Variants in DRC4 observed in about 807,000 individuals in gnomAD.
The protein encoded by DRC4 is dynein regulatory complex subunit 4.
chr16:90,026,444 G>A, the DRC4 span, among the ~76,000 whole-genome samples: 1 of 152,168 alleles, frequency 6.6e-6, no homozygotes. Flanking sequence ...CTTCTCTGAA[G>A]GAAGTTTCTC....
At chr16:90,039,366 T>C in the DRC4 span, among the ~76,000 whole-genome samples, 12 of 145,120 alleles carry the variant, frequency 8.3e-5, no homozygotes, top group African/African-American at 3.3e-4. Context: ...CAGTTATTTA[T>C]TTATTTATTT....
the DRC4 span, chr16:90,036,865 G>C: frequency 1.7e-6 from 1 of 593,554 alleles, no homozygotes; most frequent in Admixed American, 2.5e-5. Flanking sequence ...AGATGGAACC[G>C]CAGTGAGGGC....
the DRC4 span, among the ~76,000 whole-genome samples, chr16:90,025,017 CT>C: frequency 3.9e-3 from 531 of 137,318 alleles, 1 homozygote; most frequent in South Asian, 0.017. Flanking sequence ...TTCTCTCTCT[CT>C]TTTTTTTTTT....
the DRC4 span, among the ~76,000 whole-genome samples, chr16:90,031,004 A>C: frequency 6.6e-6 from 1 of 152,208 alleles, no homozygotes; most frequent in Non-Finnish European, 1.5e-5. Context: ...TCTTTGAGCA[A>C]GATGCTCTTA....
the DRC4 span, chr16:90,027,745 C>T: frequency 1.9e-6 from 3 of 1,611,466 alleles, no homozygotes; most frequent in African/African-American, 2.7e-5. Context: ...GGCTGTGGCC[C>T]AGTCCCCGGG....
chr16:90,024,022 G>T, the DRC4 span, among the ~76,000 whole-genome samples: 1 of 150,138 alleles, frequency 6.7e-6, no homozygotes, highest in Non-Finnish European at 1.5e-5. Context: ...GCTGACGCCT[G>T]TAAACCCAGC....
the DRC4 span, chr16:90,037,473 G>T: frequency 6.7e-7 from 1 of 1,496,608 alleles, no homozygotes; most frequent in Non-Finnish European, 9.0e-7. Flanking sequence ...AGCATCACAG[G>T]GAGGGGCTTG....
At chr16:90,022,709 G>A in the DRC4 span, 3 of 1,420,668 alleles carry the variant, frequency 2.1e-6, no homozygotes, top group African/African-American at 3.0e-5. Context: ...CGCTGGGCCT[G>A]TCCGCTGGCG....
At chr16:90,038,263 C>T in the DRC4 span, among the ~76,000 whole-genome samples, 1 of 152,104 alleles carries the variant, frequency 6.6e-6, no homozygotes, top group African/African-American at 2.4e-5. Flanking sequence ...CTCACACTGG[C>T]GAGTTTTATG....
chr16:90,023,946 C>T, the DRC4 span, among the ~76,000 whole-genome samples: 2 of 131,080 alleles, frequency 1.5e-5, no homozygotes, highest in East Asian at 2.0e-4. Context: ...GAGCCGAGAT[C>T]GCACCACCGC....
the DRC4 span, chr16:90,042,306 C>CT: frequency 1.5e-6 from 1 of 675,776 alleles, no homozygotes. Context: ...TCTCTCCACC[C>CT]TTGGAGACCT....
At chr16:90,029,824 T>TTTTTTTAATGATA in the DRC4 span, 2 of 170,892 alleles carry the variant, frequency 1.2e-5, no homozygotes, top group South Asian at 1.8e-4. Context: ...TGGCGCGACC[T>TTTTTTTAATGATA]CGGCTCACTG....
the DRC4 span, chr16:90,022,737 G>C: frequency 7.1e-7 from 1 of 1,414,156 alleles, no homozygotes; most frequent in Non-Finnish European, 9.3e-7. Context: ...GAGCAGGGGC[G>C]GGAGCGGGGC....
chr16:90,039,667 G>A, the DRC4 span: 1,761 of 155,532 alleles, frequency 0.011, 36 homozygotes, highest in African/African-American at 0.04. Flanking sequence ...GATTACAGGC[G>A]TGAGCCACCA....
chr16:90,019,756 T>C, the DRC4 span: 3 of 678,718 alleles, frequency 4.4e-6, no homozygotes, highest in African/African-American at 5.5e-5. This position sits in a 1 kb window ranked among gnomAD's most constrained non-coding sequence, Gnocchi z 6.1. Flanking sequence ...GGCGTCCTCT[T>C]GTTCTCTTCC....
At chr16:90,028,693 C>T in the DRC4 span, among the ~76,000 whole-genome samples, 9 of 152,180 alleles carry the variant, frequency 5.9e-5, no homozygotes, top group African/African-American at 1.4e-4. Flanking sequence ...CTCCTGGAGA[C>T]GGCAGTGTGT....
chr16:90,035,874 T>C, the DRC4 span: 4 of 1,478,384 alleles, frequency 2.7e-6, no homozygotes, highest in Non-Finnish European at 2.7e-6. Context: ...AACAACCTAT[T>C]TCCATGTGAG....
the DRC4 span, chr16:90,042,763 AG>A: frequency 2.0e-4 from 111 of 563,524 alleles, 1 homozygote; most frequent in Admixed American, 1.6e-3. Context: ...GGATGGGTGT[AG>A]GGGGGGACCT....
chr16:90,033,975 G>A, the DRC4 span, among the ~76,000 whole-genome samples: 4 of 151,624 alleles, frequency 2.6e-5, no homozygotes, highest in African/African-American at 9.7e-5. Flanking sequence ...TGTCCGCCTC[G>A]AAAGCCGTGG....
Sources: gnomAD v4.1 joint callset for allele counts (sites outside exome capture counted in the v4.1 genomes callset) on GRCh38, gnomAD v4.1.1 for gene constraint, Gnocchi (gnomAD v3.1) non-coding constraint, MANE v1.5 for transcripts, NCBI Gene and HGNC (gene_info 2026-07-23, HGNC 2026-07-21) for gene names.